NINJ2: variants seen among roughly 807,000 people sequenced by gnomAD.
The protein encoded by NINJ2 is ninjurin-2.
NINJ2 carries 12 observed loss-of-function variants against 11.7 expected under a neutral mutation model. The observed-to-expected ratio is 1.02, with a 90% CI of 0.66 to 1.66. NINJ2 has a LOEUF of 1.66. NINJ2 is among the 40% of genes most tolerant of loss of function. NINJ2 has a pLI of 0.00. For synonymous variants in NINJ2, 93 were observed against 76.8 expected (o/e 1.21, Z -1.10); for missense variants, 187 against 181.8 (o/e 1.03, Z -0.16).
At chr12:642,697 GA>G in intron 1 of NINJ2, 1 of 152,658 alleles carries the variant, frequency 6.6e-6, no homozygotes, top group Non-Finnish European at 1.5e-5. Flanking sequence ...CGGGGGAGAC[GA>G]AGGTGAAGGA....
At chr12:660,966 A>G (rs778899561) in intron 1 of NINJ2, among the ~76,000 whole-genome samples, 4 of 152,206 alleles carry the variant, frequency 2.6e-5, no homozygotes, top group Non-Finnish European at 4.4e-5. Flanking sequence ...ATCTCAAAAA[A>G]AACTGTAAAA....
chr12:642,486 CCAAA>C (rs1948431813), intron 1 of NINJ2, among the ~76,000 whole-genome samples: 1 of 152,216 alleles, frequency 6.6e-6, no homozygotes, highest in Non-Finnish European at 1.5e-5. Flanking sequence ...CCTCGGCCTG[CCAAA>C]GTGCTGGAAT....
At chr12:618,655 C>T (rs1273528584) in intron 1 of NINJ2, among the ~76,000 whole-genome samples, 2 of 152,220 alleles carry the variant, frequency 1.3e-5, no homozygotes, top group Non-Finnish European at 1.5e-5. Flanking sequence ...GGCACCAGAG[C>T]CTCGGGCTCC....
intron 1 of NINJ2, among the ~76,000 whole-genome samples, chr12:622,078 C>T (rs1948159132): frequency 7.0e-6 from 1 of 143,780 alleles, no homozygotes. Context: ...GCTGAGATCA[C>T]GCCACTGTAC....
chr12:661,335 G>A (rs1391828227), intron 1 of NINJ2, among the ~76,000 whole-genome samples: 1 of 152,220 alleles, frequency 6.6e-6, no homozygotes, highest in African/African-American at 2.4e-5. Context: ...TCCTGCCTCA[G>A]CCTCCAAAAT....
intron 1 of NINJ2, among the ~76,000 whole-genome samples, chr12:625,145 T>TATATATATATAGATAGG (rs1428308311): frequency 1.3e-5 from 2 of 150,644 alleles, no homozygotes; most frequent in Non-Finnish European, 3.0e-5. Context: ...TATATAGATA[T>TATATATATATAGATAGG]ATTTGCCCTA....
chr12:627,693 G>T (rs56285241), intron 1 of NINJ2, among the ~76,000 whole-genome samples: 1 of 152,202 alleles, frequency 6.6e-6, no homozygotes, highest in Non-Finnish European at 1.5e-5. Flanking sequence ...AACCAGACTC[G>T]CCTGGGACAG....
intron 1 of NINJ2, among the ~76,000 whole-genome samples, chr12:662,934 C>G (rs1351727586): frequency 1.4e-5 from 2 of 145,086 alleles, no homozygotes; most frequent in African/African-American, 5.1e-5. Flanking sequence ...TGCCTCTCTT[C>G]CTAGCCTCAA....
rs1947399097 is a variant in NINJ2 at position 572,980 on chromosome 12, C to T, written c.34-6802G>A. Among the ~76,000 whole-genome samples the T allele has an allele frequency of 2.0e-5, 3 of 150,662 alleles. No individual in the cohort carries two copies. In the South Asian group the frequency reaches 6.3e-4, roughly 32 times the overall value. ...CAAGCAATTCTCCTGCCTCAGCCTCCCGAGTAGCTGGGATTACAGGTGTGT... is the reference window on the plus strand; with the variant it reads ...CAAGCAATTCTCCTGCCTCAGCCTCTCGAGTAGCTGGGATTACAGGTGTGT... On this transcript the variant is annotated intron_variant, in intron 1 of 3. Transcript: ENST00000305108.
intron 1 of NINJ2, among the ~76,000 whole-genome samples, chr12:620,353 G>C (rs1056865926): frequency 6.8e-6 from 1 of 147,674 alleles, no homozygotes; most frequent in Admixed American, 7.0e-5. Context: ...CCCGCTTTGC[G>C]GGAAGGGGAG....
chr12:655,995 C>T (rs753313616), intron 1 of NINJ2, among the ~76,000 whole-genome samples: 10 of 151,944 alleles, frequency 6.6e-5, no homozygotes, highest in Non-Finnish European at 1.3e-4. Flanking sequence ...AGAGGACTCA[C>T]TATAGATTCA....
intron 1 of NINJ2, among the ~76,000 whole-genome samples, chr12:598,402 A>G (rs1032262639): frequency 1.3e-5 from 2 of 152,128 alleles, no homozygotes; most frequent in African/African-American, 4.8e-5. Context: ...AATTCCAGAG[A>G]GGACTGGAGA....
At position 614,086 on chromosome 12, in the gene NINJ2, G is replaced by A. The variant is rs1948064850; in HGVS notation, c.34-47908C>T. Among the ~76,000 whole-genome samples the A allele has an allele frequency of 6.6e-6, 1 of 152,036 alleles. No individual in the cohort carries two copies. Among genetic ancestry groups the A allele is most frequent in the African/African-American group, 2.4e-5 (1 of 41,394 alleles). On this transcript the variant is annotated intron_variant, in intron 1 of 3. Transcript: ENST00000305108. This position sits in a 1 kb window ranked among gnomAD's most constrained non-coding sequence, Gnocchi z 5.1. ...CCACAGGCATGTGGGGTGGAGAAAG[G>A]CCAAGCAGCTTGTCCATAGCACGTG...
chr12:658,646 TTATGCTATGC>T (rs141722591), intron 1 of NINJ2, among the ~76,000 whole-genome samples: 19,184 of 130,648 alleles, frequency 0.15, 1,211 homozygotes, highest in Middle Eastern at 0.19. Flanking sequence ...AACTTCTCTA[TTATGCTATGC>T]TATGCTATGC....
intron 1 of NINJ2, among the ~76,000 whole-genome samples, chr12:616,636 G>C (rs775710659): frequency 1.3e-5 from 2 of 152,218 alleles, no homozygotes. Flanking sequence ...ACGATGCCAA[G>C]AAAAGGGACT....
rs573312917 is a variant in NINJ2, at chr12:632,576, G to A, written c.33+30752C>T. On this transcript the variant is annotated intron_variant, in intron 1 of 3. Transcript: ENST00000305108. ...TCAGCTGGCAAGACTCAACATTCCT[G>A]TCTGGGACTGAGCAGCTTGAACCAC... is the stretch of plus-strand genomic sequence containing the variant. 3.3e-5 allele frequency: 5 copies of A among 152,350 alleles called. No individual in the cohort carries two copies. In the East Asian group the frequency reaches 5.8e-4, roughly 18 times the overall value. The allele number at this position is 152,350 out of a possible 1,614,324, so 9.4% of individuals were successfully genotyped here. A position where few individuals can be genotyped will look rare whatever the true frequency, so the allele number is the denominator to read the frequency against.
intron 1 of NINJ2, among the ~76,000 whole-genome samples, chr12:601,286 C>T (rs1246694839): frequency 1.3e-5 from 2 of 152,230 alleles, no homozygotes; most frequent in African/African-American, 4.8e-5. Flanking sequence ...GTGGCTCACG[C>T]CTGTAATCCC....
intron 1 of NINJ2, among the ~76,000 whole-genome samples, chr12:620,648 G>C (rs1948143088): frequency 7.6e-6 from 1 of 131,258 alleles, no homozygotes; most frequent in South Asian, 2.4e-4. Context: ...GTTTGTTTTT[G>C]AGACAGAGTC....
chr12:576,509 T>C (rs903901983), intron 1 of NINJ2, among the ~76,000 whole-genome samples: 2 of 152,184 alleles, frequency 1.3e-5, no homozygotes, highest in Admixed American at 1.3e-4. Context: ...ATTACTGTTT[T>C]CTTGGGGCAG....
Sources: gnomAD v4.1 joint callset for allele counts (sites outside exome capture counted in the v4.1 genomes callset) on GRCh38, gnomAD v4.1.1 for gene constraint, Gnocchi (gnomAD v3.1) non-coding constraint, MANE v1.5 for transcripts, NCBI Gene and HGNC (gene_info 2026-07-23, HGNC 2026-07-21) for gene names.